Variants in UBE3D observed in about 807,000 individuals in gnomAD.
UBE3D encodes the protein ubiquitin protein ligase E3D, also known as E3 ubiquitin-protein ligase E3D.
In UBE3D, 48 loss-of-function variants were observed where a neutral mutation model predicts 49.6. The ratio of observed to expected loss-of-function variants is 0.97; its 90% CI spans 0.77 to 1.23. UBE3D has a LOEUF of 1.23. Ranked by LOEUF, UBE3D falls within the 50% of genes most tolerant of loss-of-function variation. The pLI, the probability that UBE3D is intolerant of heterozygous loss-of-function variation, is 0.00. For synonymous variants in UBE3D, 189 were observed against 174.2 expected, an observed-to-expected ratio of 1.08 and a Z score of -0.67; for missense variants, 452 against 468.4, an observed-to-expected ratio of 0.96 and a Z score of 0.32.
intron 9 of UBE3D, among the ~76,000 whole-genome samples, chr6:82,912,291 G>C (rs1055555555): frequency 2.6e-5 from 4 of 151,734 alleles, no homozygotes; most frequent in African/African-American, 9.7e-5. Flanking sequence ...TTCGAGCTTA[G>C]TCAGTTATTC....
intron 4 of UBE3D, among the ~76,000 whole-genome samples, chr6:83,039,488 G>A (rs1782495526): frequency 6.6e-6 from 1 of 152,136 alleles, no homozygotes; most frequent in Non-Finnish European, 1.5e-5. Flanking sequence ...GCTAGATTCA[G>A]ACAGAGCTGA....
chr6:83,011,926 G>A (rs1780363934), intron 8 of UBE3D, among the ~76,000 whole-genome samples: 1 of 152,106 alleles, frequency 6.6e-6, no homozygotes, highest in African/African-American at 2.4e-5. Context: ...ACCATATATT[G>A]GATGCTGATT....
Position 83,054,140 on chromosome 6 carries a change from T to C in UBE3D, c.365+8A>G. On this transcript the variant is annotated splice_region_variant and intron_variant, in intron 3 of 9. Coordinates refer to ENST00000369747, the MANE Select transcript of UBE3D (RefSeq NM_198920.3). ...ACAGAATTAATCAGTGTTAAATATA[T>C]TCCTTACCTGTCTTTTATTATGACT... 1 of 1,609,020 alleles carries C rather than the reference T, an allele frequency of 6.2e-7. No homozygotes were observed. Among genetic ancestry groups the C allele is most frequent in the Non-Finnish European group, 8.5e-7 (1 of 1,175,348 alleles).
chr6:82,888,286 T>C (rs76046423), downstream of UBE3D, among the ~76,000 whole-genome samples: 162 of 144,498 alleles, frequency 1.1e-3, 3 homozygotes, highest in East Asian at 0.03. Context: ...TAACCACTTG[T>C]GGTGTTCATG....
chr6:83,031,025 T>C (rs1274279733), intron 5 of UBE3D, among the ~76,000 whole-genome samples: 1 of 152,166 alleles, frequency 6.6e-6, no homozygotes, highest in Non-Finnish European at 1.5e-5. Flanking sequence ...CCTTTTTTTT[T>C]GAAACCGGGT....
At chr6:82,984,904 G>C (rs558808975) in intron 8 of UBE3D, among the ~76,000 whole-genome samples, 1 of 151,876 alleles carries the variant, frequency 6.6e-6, no homozygotes, top group East Asian at 1.9e-4. Context: ...TTTATCTTCT[G>C]GGCTCAGGCA....
At chr6:83,015,207 C>T (rs541711063) in intron 8 of UBE3D, among the ~76,000 whole-genome samples, 8 of 152,184 alleles carry the variant, frequency 5.3e-5, no homozygotes, top group Non-Finnish European at 8.8e-5. Flanking sequence ...GTGCTGCCTT[C>T]ACAAATCTAC....
In UBE3D at chr6:83,028,049, T is replaced by C. The variant is rs948381247; in HGVS notation, c.668-4011A>G. ...TGTATCTAATCTGGTGTTAAACCAC[T>C]GGCTGAGTTTTTAATATCAATTATA... On this transcript the variant is annotated intron_variant, in intron 5 of 9. Transcript: ENST00000369747. Among the ~76,000 whole-genome samples the C allele has an allele frequency of 1.4e-4, 21 of 152,354 alleles. No individual in the cohort carries two copies. The East Asian group carries it at 3.1e-3, about 22-fold the overall frequency.
At chr6:83,024,749 T>A (rs1434776473) in intron 5 of UBE3D, among the ~76,000 whole-genome samples, 1 of 152,146 alleles carries the variant, frequency 6.6e-6, no homozygotes, top group Non-Finnish European at 1.5e-5. Flanking sequence ...CTAAAAGGTG[T>A]GATTATTTCC....
chr6:82,882,081 TG>T, the UBE3D span, among the ~76,000 whole-genome samples: 236 of 152,252 alleles, frequency 1.6e-3, 4 homozygotes, highest in African/African-American at 5.4e-3. Context: ...CATCTTACTC[TG>T]TACACAAGAT....
chr6:82,936,520 T>G (rs1013550868), intron 9 of UBE3D, among the ~76,000 whole-genome samples: 3 of 152,070 alleles, frequency 2.0e-5, no homozygotes, highest in African/African-American at 7.2e-5. Flanking sequence ...AATGAAGAAC[T>G]GCATTCAGTT....
At position 82,957,457 on chromosome 6, in the gene UBE3D, C is replaced by A; in HGVS notation, c.1011-7G>T. The A allele has an allele frequency of 6.2e-7, 1 of 1,601,084 alleles. No homozygotes were observed. The highest frequency in any genetic ancestry group is 2.2e-5 in the East Asian group (1 of 44,788). ...TTCCCACAAGCTGACAAGTCTGGAA[C>A]ACACCAACACATTAACTTTCAAAAA... On this transcript the variant is annotated splice_region_variant and splice_polypyrimidine_tract_variant and intron_variant, in intron 8 of 9. Transcript: ENST00000369747.
In UBE3D at chr6:82,966,598, C is replaced by G; in HGVS notation, c.1011-9148G>C. ...CCGGGAGGCGGAGCTTGCAGTGAGC[C>G]GAGATCCCGCCACTGCACTCCAGCC... On this transcript the variant is annotated intron_variant, in intron 8 of 9. Transcript: ENST00000369747. 3.0e-5 allele frequency among the ~76,000 whole-genome samples: 2 copies of G among 66,054 alleles called. 1 individual carries two copies. Among genetic ancestry groups the G allele is most frequent in the Non-Finnish European group, 5.9e-5 (2 of 33,780 alleles). 43.3% of individuals were successfully genotyped at this position (66,054 alleles called of 152,430 possible).
At chr6:83,012,236 C>G (rs1351857279) in intron 8 of UBE3D, among the ~76,000 whole-genome samples, 1 of 152,170 alleles carries the variant, frequency 6.6e-6, no homozygotes, top group African/African-American at 2.4e-5. Flanking sequence ...ATAGGCAAAT[C>G]CATATCCAAA....
At chr6:82,891,167 C>A (rs1409345908), downstream of UBE3D, among the ~76,000 whole-genome samples, 1 of 152,200 alleles carries the variant, frequency 6.6e-6, no homozygotes. Flanking sequence ...AATCTTGTTT[C>A]TCAGGCCATA....
At chr6:83,037,034 A>G (rs932218277) in intron 5 of UBE3D, 1 of 152,174 alleles carries the variant, frequency 6.6e-6, no homozygotes, top group Non-Finnish European at 1.5e-5. Flanking sequence ...GAGGTCTTCC[A>G]ATCTCCAACC....
intron 9 of UBE3D, among the ~76,000 whole-genome samples, chr6:82,915,942 A>C (rs1772883298): frequency 6.6e-6 from 1 of 152,214 alleles, no homozygotes; most frequent in Non-Finnish European, 1.5e-5. Flanking sequence ...GTTGAACAAG[A>C]GTTCAACAGA....
chr6:82,967,223 C>A (rs1005409145), intron 8 of UBE3D, among the ~76,000 whole-genome samples: 2 of 152,164 alleles, frequency 1.3e-5, no homozygotes, highest in African/African-American at 2.4e-5. Flanking sequence ...TATCCTTCAC[C>A]CTGCTTCCCC....
intron 5 of UBE3D, among the ~76,000 whole-genome samples, chr6:83,028,890 T>C (rs533194649): frequency 2.6e-5 from 4 of 152,340 alleles, no homozygotes; most frequent in South Asian, 4.1e-4. Context: ...GATACAGTAC[T>C]GTTGGTTGTC....
Sources: gnomAD v4.1 joint callset for allele counts (sites outside exome capture counted in the v4.1 genomes callset) on GRCh38, gnomAD v4.1.1 for gene constraint, MANE v1.5 for transcripts, NCBI Gene and HGNC (gene_info 2026-07-23, HGNC 2026-07-21) for gene names.